Variants in STARD9 observed in about 807,000 individuals in gnomAD.
STARD9 encodes stAR-related lipid transfer protein 9.
In STARD9, 346 loss-of-function variants were observed where a neutral mutation model predicts 399.8. The ratio of observed to expected loss-of-function variants is 0.87; its 90% CI spans 0.79 to 0.95. The LOEUF (loss-of-function observed/expected upper bound fraction) is 0.95, where lower values mean the gene tolerates loss of function less well. STARD9 is among the 40% of genes least tolerant of loss of function. The probability of loss-of-function intolerance (pLI) is 0.00; values close to 1 mark genes in which losing one functional copy is unlikely to be tolerated. For synonymous variants in STARD9, 2,203 were observed against 2,143.5 expected (o/e 1.03, Z -0.77); for missense variants, 5,832 against 5,667.5 (o/e 1.03, Z -0.93).
At position 42,716,663 on chromosome 15, in the gene STARD9, C is replaced by T. The variant is rs1314318112; in HGVS notation, c.13285-14C>T. ...TGCCTTCTGGCTCTGTCCTGAGTAT[C>T]CTCTCTTCTGCAGGGGCATACAAAC... On this transcript the variant is annotated splice_polypyrimidine_tract_variant and intron_variant, in intron 26 of 32. Coordinates refer to ENST00000290607, the MANE Select transcript of STARD9 (RefSeq NM_020759.3). 13 of 1,504,126 alleles carry T rather than the reference C, an allele frequency of 8.6e-6. No individual in the cohort carries two copies. The highest frequency in any genetic ancestry group is 4.9e-5 in the East Asian group (2 of 40,772). The allele number at this position is 1,504,126 out of a possible 1,614,324, so 93.2% of individuals were successfully genotyped here.
intron 8 of STARD9, among the ~76,000 whole-genome samples, chr15:42,651,859 T>C (rs1480788640): frequency 6.6e-6 from 1 of 152,182 alleles, no homozygotes; most frequent in Non-Finnish European, 1.5e-5. Context: ...ATTTTGGCCC[T>C]TTTCTTCAAT....
intron 3 of STARD9, among the ~76,000 whole-genome samples, chr15:42,618,763 A>C (rs995440695): frequency 1.3e-5 from 2 of 150,814 alleles, no homozygotes; most frequent in Admixed American, 1.3e-4. Flanking sequence ...CGCCTGGCTA[A>C]TTTTTGTATT....
rs941273929 is a variant in STARD9, at chr15:42,720,885, A to G, written c.*1311A>G. The stretch of plus-strand genomic sequence containing the variant: ...TTTCTCGGGTAAATTTTTTGGTGAC[A>G]TGATATATTTAACACCCTATTTATA... On this transcript the variant is annotated 3_prime_UTR_variant, in exon 33 of 33. Transcript: ENST00000290607. 6.6e-6 allele frequency: 1 copy of G among 152,154 alleles called. No individual in the cohort carries two copies. Among genetic ancestry groups the G allele is most frequent in the Admixed American group, 6.5e-5 (1 of 15,268 alleles). The allele number at this position is 152,154 out of a possible 1,614,324, so 9.4% of individuals were successfully genotyped here.
chr15:42,646,019 G>C lies in STARD9; in HGVS notation c.560-4997G>C, dbSNP rs144482277. ...CTACTAAAAATACAAAAATTAGCCA[G>C]ACGTGGTGGCTGGTGCCTGTAATTC... On this transcript the variant is annotated intron_variant, in intron 7 of 32. Coordinates refer to ENST00000290607, the MANE Select transcript of STARD9 (RefSeq NM_020759.3). 8.4e-3 allele frequency among the ~76,000 whole-genome samples: 1,271 copies of C among 152,164 alleles called. 15 individuals are homozygous for C. Among genetic ancestry groups the C allele is most frequent in the African/African-American group, 0.029 (1,212 of 41,488 alleles).
At position 42,689,345 on chromosome 15, in the gene STARD9, G is replaced by A. The variant is rs760380102; in HGVS notation, c.7767G>A (p.Arg2589=). The A allele has an allele frequency of 1.4e-5, 22 of 1,537,150 alleles. No homozygotes were observed. In the African/African-American group the frequency reaches 2.9e-4, roughly 20 times the overall value. ...ETLLEPECSS[R]VAGRPQCKQI... ...TACTAGAACCCGAATGTTCTTCAAG[G>A]GTTGCTGGCAGGCCTCAGTGTAAAC... is the stretch of plus-strand genomic sequence containing the variant. The change falls in exon 23 of 33, where the codon AGG becomes AGA. Residue 2589 remains arginine, a synonymous_variant. Transcript: ENST00000290607.
chr15:42,644,091 A>G (rs2059598734), intron 7 of STARD9, among the ~76,000 whole-genome samples: 1 of 152,272 alleles, frequency 6.6e-6, no homozygotes. Context: ...AAGTATCACA[A>G]TAAAGCAAAA....
At chr15:42,632,876 C>T (rs1383195140) in intron 3 of STARD9, among the ~76,000 whole-genome samples, 6 of 151,994 alleles carry the variant, frequency 3.9e-5, no homozygotes, top group South Asian at 2.1e-4. Context: ...GACACAGTGG[C>T]GCACACCTGT....
intron 3 of STARD9, among the ~76,000 whole-genome samples, chr15:42,590,059 T>TA (rs1176667001): frequency 1.4e-5 from 2 of 147,006 alleles, no homozygotes; most frequent in African/African-American, 5.0e-5. Context: ...CTCCTGAACT[T>TA]AAGTGATCCT....
At chr15:42,616,679 C>G (rs2058968666) in intron 3 of STARD9, among the ~76,000 whole-genome samples, 1 of 151,990 alleles carries the variant, frequency 6.6e-6, no homozygotes, top group Admixed American at 6.6e-5. Context: ...ATCACCAGGT[C>G]AGGAGATCGA....
Position 42,687,150 on chromosome 15 carries a change from C to A in STARD9, c.5572C>A (p.Leu1858Ile). The A allele has an allele frequency of 1.3e-6, 2 of 1,537,298 alleles. No homozygotes were observed. Among genetic ancestry groups the A allele is most frequent in the Non-Finnish European group, 1.7e-6 (2 of 1,146,890 alleles). ...TTCTGTTACTCAGAACAGACATTTTCTCCCCTCTACCAGCACAAAAGTATG... is the reference window on the plus strand; with the variant it reads ...TTCTGTTACTCAGAACAGACATTTTATCCCCTCTACCAGCACAAAAGTATG... ...YSSVTQNRHF[L>I]PSTSTKVCEF... Residue 1858 changes from leucine to isoleucine, a missense_variant, in exon 23 of 33, where the codon CTC becomes ATC. Leu to Ile is a conservative substitution (Grantham distance 5). Transcript: ENST00000290607.
chr15:42,598,824 G>A (rs1440143757), intron 3 of STARD9, among the ~76,000 whole-genome samples: 1 of 152,028 alleles, frequency 6.6e-6, no homozygotes, highest in Admixed American at 6.6e-5. Flanking sequence ...ACACAGTACC[G>A]TTTATTGAAC....
chr15:42,664,662 C>T (rs1277170549), intron 13 of STARD9, among the ~76,000 whole-genome samples: 6 of 152,170 alleles, frequency 3.9e-5, no homozygotes, highest in African/African-American at 7.2e-5. Flanking sequence ...CCAAAGTGCC[C>T]AGTCTTATGC....
At chr15:42,634,054 A>G (rs1445481353) in intron 3 of STARD9, among the ~76,000 whole-genome samples, 1 of 152,160 alleles carries the variant, frequency 6.6e-6, no homozygotes, top group African/African-American at 2.4e-5. Flanking sequence ...AGACTGACAC[A>G]ACCAAAGATT....
intron 3 of STARD9, among the ~76,000 whole-genome samples, chr15:42,616,750 G>A (rs900966171): frequency 1.3e-5 from 2 of 151,870 alleles, no homozygotes; most frequent in African/African-American, 4.8e-5. Flanking sequence ...AATTAGCTGG[G>A]TGTAGTGGCG....
In STARD9 at chr15:42,688,653, G is replaced by A. The variant is rs1389494844; in HGVS notation, c.7075G>A (p.Asp2359Asn). The change falls in exon 23 of 33, where the codon GAC becomes AAC. Residue 2359 changes from aspartate (D) to asparagine (N), a missense_variant. Asp to Asn is a conservative substitution (Grantham distance 23). This residue lies in a region of STARD9 where 5,828 missense variants were observed against 5,651.1 expected (regional missense o/e 1.03). Coordinates refer to ENST00000290607, the MANE Select transcript of STARD9 (RefSeq NM_020759.3). ...TGTTGCTCTAGGCATCTCTTCACTTGACTGTGTGCTGGATCTCACAATGTT... is the reference window on the plus strand; with the variant it reads ...TGTTGCTCTAGGCATCTCTTCACTTAACTGTGTGCTGGATCTCACAATGTT... ...VPVALGISSL[D>N]CVLDLTMLKI... The A allele has an allele frequency of 7.0e-5, 108 of 1,537,514 alleles. No individual in the cohort carries two copies. Among genetic ancestry groups the A allele is most frequent in the Non-Finnish European group, 9.2e-5 (105 of 1,147,014 alleles).
intron 13 of STARD9, among the ~76,000 whole-genome samples, chr15:42,664,619 A>C (rs924925062): frequency 6.6e-6 from 1 of 152,182 alleles, no homozygotes; most frequent in African/African-American, 2.4e-5. Context: ...CTCCTACCTC[A>C]GCCTCCCAAA....
At chr15:42,630,423 G>A (rs2059310583) in intron 3 of STARD9, among the ~76,000 whole-genome samples, 1 of 152,118 alleles carries the variant, frequency 6.6e-6, no homozygotes, top group Non-Finnish European at 1.5e-5. Context: ...ATCTTTATGT[G>A]GTTTTGGTAT....
chr15:42,600,357 A>G (rs1010460665), intron 3 of STARD9, among the ~76,000 whole-genome samples: 1 of 152,108 alleles, frequency 6.6e-6, no homozygotes, highest in Non-Finnish European at 1.5e-5. Context: ...TGAGGAGAGG[A>G]AGCAGTGTAT....
At position 42,686,461 on chromosome 15, in the gene STARD9, A is replaced by G; in HGVS notation, c.4883A>G (p.Asn1628Ser). Residue 1628 changes from asparagine (N) to serine (S), a missense_variant, in exon 23 of 33, where the codon AAC becomes AGC. Physicochemically the swap from Asn to Ser is conservative, Grantham distance 46. Around this residue, in one of 2 missense-constraint regions of STARD9, gnomAD observed 5,828 missense variants for 5,651.1 expected, o/e 1.03. Coordinates refer to ENST00000290607, the MANE Select transcript of STARD9 (RefSeq NM_020759.3). Reference protein sequence around the residue: ...MTEACEVKQNNLEECLQSCRK... With the variant: ...MTEACEVKQNSLEECLQSCRK... ...GAAGCATGTGAAGTCAAGCAGAACAACTTGGAAGAATGCCTTCAGAGTTGC... is the reference window on the plus strand; with the variant it reads ...GAAGCATGTGAAGTCAAGCAGAACAGCTTGGAAGAATGCCTTCAGAGTTGC... 2 of 1,537,816 alleles carry G rather than the reference A, an allele frequency of 1.3e-6. No homozygotes were observed. The highest frequency in any genetic ancestry group is 1.7e-6 in the Non-Finnish European group (2 of 1,147,054).
Sources: allele counts gnomAD v4.1 joint callset (sites outside exome capture counted in the v4.1 genomes callset), GRCh38; gene constraint gnomAD v4.1.1; regional missense constraint gnomAD v4.1.1; transcripts MANE v1.5; gene names NCBI Gene and HGNC (gene_info 2026-07-23, HGNC 2026-07-21).